The following DNAH11 variants were observed in gnomAD, a reference collection of about 807,000 sequenced individuals.
DNAH11 encodes the protein dynein axonemal heavy chain 11.
Under a neutral mutation model 526.0 loss-of-function variants are expected in DNAH11, and 442 were observed. The ratio of observed to expected loss-of-function variants is 0.84; its 90% CI spans 0.78 to 0.91. DNAH11 has a LOEUF of 0.91. Ranked by LOEUF, DNAH11 falls within the 40% of genes least tolerant of loss-of-function variation. The probability of loss-of-function intolerance (pLI) is 0.00; values close to 1 mark genes in which losing one functional copy is unlikely to be tolerated. For missense variants in DNAH11, 6,989 were observed against 5,448.7 expected (o/e 1.28, Z -8.90); for synonymous variants, 2,461 against 1,935.9 (o/e 1.27, Z -7.12).
At chr7:21,774,112 T>A in intron 56 of DNAH11, 113 bp downstream of exon 56, 1 of 1,022,340 alleles carries the variant, frequency 9.8e-7, no homozygotes, top group Non-Finnish European at 1.4e-6. Context: ...CTGGTGAAAT[T>A]TACAGTTTCA....
chr7:21,606,845 G>C (rs1785309300), intron 20 of DNAH11, 112 bp downstream of exon 20: 2 of 973,482 alleles, frequency 2.1e-6, no homozygotes, highest in South Asian at 1.6e-5. Context: ...TATAGGAATT[G>C]ATTTATTTAA....
chr7:21,687,168 C>G lies in DNAH11; in HGVS notation c.5691C>G (p.Thr1897=), dbSNP rs200388712. The G allele has an allele frequency of 6.8e-6, 11 of 1,612,878 alleles. No individual in the cohort carries two copies. The highest frequency in any genetic ancestry group is 7.6e-6 in the Non-Finnish European group (9 of 1,179,462). Residue 1897 remains threonine, a synonymous_variant, in exon 33 of 82, where the codon ACC becomes ACG. Coordinates refer to ENST00000409508, the MANE Select transcript of DNAH11 (RefSeq NM_001277115.2). ...GGGCTCCTGCTGGCCCAGCTGGTACCGGGAAAACAGAGACCACCAAAGACC... is the reference window on the plus strand; with the variant it reads ...GGGCTCCTGCTGGCCCAGCTGGTACGGGGAAAACAGAGACCACCAAAGACC... ...MSGAPAGPAG[T]GKTETTKDLG...
chr7:21,580,190 T>A (rs1034245055), intron 8 of DNAH11, among the ~76,000 whole-genome samples: 1 of 152,174 alleles, frequency 6.6e-6, no homozygotes, highest in African/African-American at 2.4e-5. Context: ...CTAGCATATT[T>A]TTCTCTCCCT....
chr7:21,736,013 GT>G (rs1490202941), intron 46 of DNAH11, among the ~76,000 whole-genome samples, 169 bp downstream of exon 46: 1 of 152,150 alleles, frequency 6.6e-6, no homozygotes, highest in Non-Finnish European at 1.5e-5. Flanking sequence ...TTTAAATATT[GT>G]TGTGATTTTG....
chr7:21,581,405 A>G (rs1479468318), intron 8 of DNAH11, among the ~76,000 whole-genome samples: 9 of 152,216 alleles, frequency 5.9e-5, no homozygotes, highest in Non-Finnish European at 1.2e-4. Flanking sequence ...ATATTTTCTT[A>G]CCAGTGGATT....
intron 66 of DNAH11, among the ~76,000 whole-genome samples, chr7:21,846,948 A>C (rs1782443599): frequency 6.6e-6 from 1 of 152,100 alleles, no homozygotes; most frequent in Non-Finnish European, 1.5e-5. Flanking sequence ...GTTTCAGTTC[A>C]CTTCATCTAA....
chr7:21,549,772 C>A (rs1338886941), intron 2 of DNAH11, among the ~76,000 whole-genome samples: 2 of 152,160 alleles, frequency 1.3e-5, no homozygotes, highest in Non-Finnish European at 2.9e-5. Context: ...GGTAGTCCAC[C>A]ATATAGTATC....
chr7:21,771,851 C>A (rs1787449119), intron 55 of DNAH11, among the ~76,000 whole-genome samples: 1 of 149,898 alleles, frequency 6.7e-6, no homozygotes, highest in South Asian at 2.1e-4. Flanking sequence ...ACGCCCCCCA[C>A]AAAAAAAAAT....
intron 69 of DNAH11, among the ~76,000 whole-genome samples, chr7:21,862,459 C>CT (rs992251354): frequency 1.3e-5 from 2 of 152,006 alleles, no homozygotes; most frequent in Non-Finnish European, 2.9e-5. Flanking sequence ...CTGAATTTTC[C>CT]TTTTTTCATT....
chr7:21,750,337 T>C lies in DNAH11; in HGVS notation c.8913T>C (p.Phe2971=). 1 of 1,605,764 alleles carries C rather than the reference T, an allele frequency of 6.2e-7. No individual in the cohort carries two copies. Among genetic ancestry groups the C allele is most frequent in the African/African-American group, 1.3e-5 (1 of 74,942 alleles). ...CCAGGGAAAACTGTTGGAAATTCTTTATGGCCAGGGTGCGACTACAGCTCA... is the reference window on the plus strand; with the variant it reads ...CCAGGGAAAACTGTTGGAAATTCTTCATGGCCAGGGTGCGACTACAGCTCA... ...VDSRENCWKF[F]MARVRLQLKI... Residue 2971 remains phenylalanine (F), a synonymous_variant, in exon 54 of 82, where the codon TTT becomes TTC. Transcript: ENST00000409508.
chr7:21,810,627 G>A (rs980121848), intron 63 of DNAH11, among the ~76,000 whole-genome samples: 1 of 152,112 alleles, frequency 6.6e-6, no homozygotes, highest in Non-Finnish European at 1.5e-5. Flanking sequence ...AGAAACCCAA[G>A]ACGTATTTGG....
At chr7:21,590,522 C>T (rs1255800287) in intron 12 of DNAH11, among the ~76,000 whole-genome samples, 1 of 152,162 alleles carries the variant, frequency 6.6e-6, no homozygotes, top group Non-Finnish European at 1.5e-5. Context: ...AAGTTAGCCT[C>T]ACTGAGTTGG....
chr7:21,814,130 A>G (rs1418916188), intron 63 of DNAH11, among the ~76,000 whole-genome samples: 1 of 152,188 alleles, frequency 6.6e-6, no homozygotes, highest in Non-Finnish European at 1.5e-5. Context: ...ATCTAAATCT[A>G]TCCAAATATA....
At chr7:21,603,419 C>A (rs542321419) in intron 18 of DNAH11, among the ~76,000 whole-genome samples, 3 of 152,078 alleles carry the variant, frequency 2.0e-5, no homozygotes, top group Non-Finnish European at 4.4e-5. Flanking sequence ...TTCAGTACAC[C>A]TAGGAGTGGA....
chr7:21,764,302 G>A (rs900654395), intron 54 of DNAH11, among the ~76,000 whole-genome samples: 2 of 152,080 alleles, frequency 1.3e-5, no homozygotes, highest in Non-Finnish European at 2.9e-5. Flanking sequence ...ATGGGTGCAC[G>A]TATGCTGGAA....
At chr7:21,833,509 A>C (rs1781869790) in intron 65 of DNAH11, among the ~76,000 whole-genome samples, 1 of 152,140 alleles carries the variant, frequency 6.6e-6, no homozygotes, top group African/African-American at 2.4e-5. Context: ...CCTGGCCAAC[A>C]TGATGAAACC....
intron 54 of DNAH11, among the ~76,000 whole-genome samples, chr7:21,759,495 C>A (rs148149813): frequency 5.9e-5 from 9 of 152,312 alleles, no homozygotes; most frequent in Non-Finnish European, 1.0e-4. Context: ...GACACCGAAG[C>A]AGTCAAACCT....
intron 65 of DNAH11, among the ~76,000 whole-genome samples, chr7:21,833,854 A>C (rs1271438080): frequency 6.6e-6 from 1 of 152,028 alleles, no homozygotes; most frequent in Non-Finnish European, 1.5e-5. Context: ...TGAAACCCTC[A>C]CTCTTGAAAT....
intron 65 of DNAH11, among the ~76,000 whole-genome samples, chr7:21,835,844 A>C (rs1183492111): frequency 6.7e-6 from 1 of 149,720 alleles, no homozygotes; most frequent in Non-Finnish European, 1.5e-5. Context: ...ATGATTGTAT[A>C]TATAGAAAGC....
Sources: gnomAD v4.1 joint callset for allele counts (sites outside exome capture counted in the v4.1 genomes callset) on GRCh38, gnomAD v4.1.1 for gene constraint, MANE v1.5 for transcripts, NCBI Gene and HGNC (gene_info 2026-07-23, HGNC 2026-07-21) for gene names.